Variants in CNTNAP2 observed in about 807,000 individuals in gnomAD.
CNTNAP2 encodes the protein contactin associated protein 2.
A neutral mutation model predicts 155.2 loss-of-function variants in CNTNAP2; 98 were observed. The ratio of observed to expected loss-of-function variants is 0.63; its 90% CI spans 0.54 to 0.75. The LOEUF is 0.75. Among genes scored for constraint, CNTNAP2 ranks in the 30% least tolerant of loss-of-function variants. CNTNAP2 has a pLI of 0.00. For missense variants in CNTNAP2, 1,727 were observed against 1,688.1 expected, an observed-to-expected ratio of 1.02 and a Z score of -0.40; for synonymous variants, 651 against 631.2, an observed-to-expected ratio of 1.03 and a Z score of -0.47.
intron 1 of CNTNAP2, among the ~76,000 whole-genome samples, chr7:146,494,158 C>T (rs949255480): frequency 1.1e-3 from 162 of 151,918 alleles, no homozygotes; most frequent in Non-Finnish European, 7.9e-4. Flanking sequence ...CACGGTGAAA[C>T]GCTGTCTGTA....
At chr7:146,588,755 G>A (rs1223648105) in intron 1 of CNTNAP2, among the ~76,000 whole-genome samples, 5 of 152,034 alleles carry the variant, frequency 3.3e-5, no homozygotes, top group African/African-American at 7.2e-5. Flanking sequence ...GCTATCGGCC[G>A]GCCTGTGCCT....
chr7:147,809,410 T>A (rs1053722793), intron 13 of CNTNAP2, among the ~76,000 whole-genome samples: 2 of 152,190 alleles, frequency 1.3e-5, no homozygotes, highest in African/African-American at 4.8e-5. Flanking sequence ...GCATTTTTTT[T>A]ATTTCCTCCT....
intron 8 of CNTNAP2, among the ~76,000 whole-genome samples, chr7:147,188,526 G>A (rs1041972498): frequency 6.6e-6 from 1 of 152,188 alleles, no homozygotes; most frequent in African/African-American, 2.4e-5. Flanking sequence ...CTGAGAGAAA[G>A]CACCAGATTG....
chr7:146,352,750 G>GTTTTTTTTTTTTTTTTTTTTTTT lies in CNTNAP2; in HGVS notation c.97+235798_97+235799insTTTTTTTTTTTTTTTTTTTTTTT, dbSNP rs531124445. On this transcript the variant is annotated intron_variant, in intron 1 of 23. Coordinates refer to ENST00000361727, the MANE Select transcript of CNTNAP2 (RefSeq NM_014141.6). ...TTATAATTTCAATTAGCATAATTCT[G>GTTTTTTTTTTTTTTTTTTTTTTT]TTTTTTTTTTTTTTTTTTTTTCGAG... 2.2e-4 allele frequency among the ~76,000 whole-genome samples: 14 copies of GTTTTTTTTTTTTTTTTTTTTTTT among 64,312 alleles called. 4 individuals are homozygous for GTTTTTTTTTTTTTTTTTTTTTTT. Among genetic ancestry groups the GTTTTTTTTTTTTTTTTTTTTTTT allele is most frequent in the Admixed American group, 4.8e-4 (2 of 4,200 alleles). 42.2% of individuals were successfully genotyped at this position (64,312 alleles called of 152,430 possible).
chr7:148,129,710 A>G (rs992265240), intron 16 of CNTNAP2, among the ~76,000 whole-genome samples: 1 of 152,198 alleles, frequency 6.6e-6, no homozygotes, highest in Non-Finnish European at 1.5e-5. Flanking sequence ...ACCTCTCCAG[A>G]CTTTATCATA....
intron 1 of CNTNAP2, among the ~76,000 whole-genome samples, chr7:146,357,969 T>C (rs1795024641): frequency 6.6e-6 from 1 of 150,882 alleles, no homozygotes. Flanking sequence ...TTCTGCAAAC[T>C]CAAACACCAT....
At chr7:146,219,170 G>A (rs1427409810) in intron 1 of CNTNAP2, among the ~76,000 whole-genome samples, 2 of 152,092 alleles carry the variant, frequency 1.3e-5, no homozygotes, top group African/African-American at 4.8e-5. Context: ...TCACTATCAT[G>A]AGAACAGCAT....
intron 1 of CNTNAP2, among the ~76,000 whole-genome samples, chr7:146,434,883 A>G (rs1196879789): frequency 1.3e-5 from 2 of 152,192 alleles, no homozygotes; most frequent in African/African-American, 2.4e-5. Context: ...TGAATCCCCT[A>G]TGTGTGCCAG....
At chr7:148,025,570 G>A (rs1246438666) in intron 15 of CNTNAP2, among the ~76,000 whole-genome samples, 1 of 152,172 alleles carries the variant, frequency 6.6e-6, no homozygotes, top group Non-Finnish European at 1.5e-5. Context: ...TGAGCAGCAG[G>A]CAAGATTAAC....
chr7:147,284,086 G>T (rs1175097909), intron 8 of CNTNAP2, among the ~76,000 whole-genome samples: 1 of 151,318 alleles, frequency 6.6e-6, no homozygotes, highest in South Asian at 2.1e-4. Flanking sequence ...CATCCAGAAC[G>T]GCAAGTACAA....
intron 12 of CNTNAP2, among the ~76,000 whole-genome samples, chr7:147,567,071 G>A (rs1379327851): frequency 6.6e-6 from 1 of 152,108 alleles, no homozygotes; most frequent in African/African-American, 2.4e-5. Context: ...CTAGAATGCG[G>A]GGAACATGGT....
At chr7:147,989,419 T>G (rs1801674225) in intron 15 of CNTNAP2, among the ~76,000 whole-genome samples, 1 of 152,204 alleles carries the variant, frequency 6.6e-6, no homozygotes, top group Non-Finnish European at 1.5e-5. Flanking sequence ...CTGAGTTTGC[T>G]CCAGTAAAGC....
At chr7:148,084,935 T>A (rs1305842915) in intron 15 of CNTNAP2, among the ~76,000 whole-genome samples, 1 of 152,236 alleles carries the variant, frequency 6.6e-6, no homozygotes, top group Non-Finnish European at 1.5e-5. Flanking sequence ...TCAAGCTTTT[T>A]ATTCTGTAAT....
chr7:147,255,238 A>AAC (rs988928338), intron 8 of CNTNAP2, among the ~76,000 whole-genome samples: 1 of 151,926 alleles, frequency 6.6e-6, no homozygotes, highest in African/African-American at 2.4e-5. Context: ...CACACACACA[A>AAC]ACACACACAG....
chr7:147,441,722 G>T (rs995216863), intron 10 of CNTNAP2, among the ~76,000 whole-genome samples: 1 of 151,920 alleles, frequency 6.6e-6, no homozygotes, highest in East Asian at 1.9e-4. Flanking sequence ...CATCTTGATC[G>T]TCTTAAAGAA....
intron 9 of CNTNAP2, among the ~76,000 whole-genome samples, chr7:147,317,796 G>GTA (rs747483520): frequency 1.6e-4 from 16 of 97,208 alleles, no homozygotes; most frequent in South Asian, 1.2e-3. Context: ...GTGTGTGTGT[G>GTA]TGTATATGTA....
At chr7:146,193,393 G>T (rs1457486781) in intron 1 of CNTNAP2, among the ~76,000 whole-genome samples, 1 of 152,190 alleles carries the variant, frequency 6.6e-6, no homozygotes, top group Non-Finnish European at 1.5e-5. Flanking sequence ...GTTTCCATAA[G>T]GCCTCTGAAA....
At chr7:148,152,699 A>G (rs1438956301) in intron 17 of CNTNAP2, among the ~76,000 whole-genome samples, 1 of 152,174 alleles carries the variant, frequency 6.6e-6, no homozygotes, top group East Asian at 1.9e-4. Context: ...ACCAGTTTTA[A>G]GGAGGGACAA....
intron 3 of CNTNAP2, among the ~76,000 whole-genome samples, chr7:146,847,090 G>C (rs909246285): frequency 7.0e-6 from 1 of 142,940 alleles, no homozygotes; most frequent in Non-Finnish European, 1.5e-5. Flanking sequence ...TTGGATTTAG[G>C]TTACCTGAGG....
Sources: allele counts gnomAD v4.1 joint callset (sites outside exome capture counted in the v4.1 genomes callset), GRCh38; gene constraint gnomAD v4.1.1; transcripts MANE v1.5; gene names NCBI Gene and HGNC (gene_info 2026-07-23, HGNC 2026-07-21).